Variants in FANCE observed in about 807,000 individuals in gnomAD.
The protein encoded by FANCE is FA complementation group E.
A neutral mutation model predicts 57.8 loss-of-function variants in FANCE; 42 were observed. The observed-to-expected ratio is 0.73, with a 90% CI of 0.57 to 0.94. The LOEUF (loss-of-function observed/expected upper bound fraction) is 0.94, where lower values mean the gene tolerates loss of function less well. Ranked by LOEUF, FANCE falls within the 40% of genes least tolerant of loss-of-function variation. FANCE has a pLI of 0.00. For synonymous variants in FANCE, 251 were observed against 286.4 expected (o/e 0.88, Z 1.25); for missense variants, 608 against 661.8 (o/e 0.92, Z 0.89).
chr6:35,464,647 C>A (rs1767735406), intron 9 of FANCE, among the ~76,000 whole-genome samples: 1 of 152,172 alleles, frequency 6.6e-6, no homozygotes, highest in South Asian at 2.1e-4. Context: ...GCCACCACAC[C>A]CAGCCTCAGG....
rs773580818 is a variant in FANCE, at chr6:35,455,809, C to G, written c.311C>G (p.Ala104Gly). The G allele has an allele frequency of 5.0e-5, 80 of 1,614,078 alleles. No homozygotes were observed. In the Middle Eastern group the frequency reaches 9.9e-4, roughly 20 times the overall value. Reference sequence around the variant, plus strand: ...AGGAACCTGATGTCCCTGCTGATGGCCGTTCGGCCATCGCTGCCGGAAAGT... The same window carrying G: ...AGGAACCTGATGTCCCTGCTGATGGGCGTTCGGCCATCGCTGCCGGAAAGT... ...CQRNLMSLLM[A>G]VRPSLPESGL... is the part of the protein sequence containing the mutation. Residue 104 changes from alanine (A) to glycine (G), a missense_variant, in exon 2 of 10, where the codon GCC (alanine) becomes GGC (glycine). Transcript: ENST00000229769.
chr6:35,459,446 C>T lies in FANCE; in HGVS notation c.1229C>T (p.Pro410Leu). 1 of 1,614,066 alleles carries T rather than the reference C, an allele frequency of 6.2e-7. No individual in the cohort carries two copies. The highest frequency in any genetic ancestry group is 1.3e-5 in the African/African-American group (1 of 75,008). ...SALLDPVLQA[P>L]GTGPAQTELL... ...CTCCTTGACCCTGTGCTCCAGGCCC[C>T]AGGCACAGGTAATTCTGGAACCAGC... is the stretch of plus-strand genomic sequence containing the variant. The change falls in exon 6 of 10, where the codon CCA becomes CTA. Residue 410 changes from proline to leucine, a missense_variant. Pro to Leu is a moderately conservative substitution (Grantham distance 98). Transcript: ENST00000229769.
rs529267251 is a variant in FANCE, at chr6:35,456,617, C to T, written c.855+264C>T. On this transcript the variant is annotated intron_variant, in intron 2 of 9. Transcript: ENST00000229769. This position sits in a 1 kb window ranked among gnomAD's most constrained non-coding sequence, Gnocchi z 4.3. Reference sequence around the variant, plus strand: ...GCAACCTCTGCCTCCCGGGTTCAAGCGATTCTCCTGCCTCAGCTTCCTGAG... The same window carrying T: ...GCAACCTCTGCCTCCCGGGTTCAAGTGATTCTCCTGCCTCAGCTTCCTGAG... 7.9e-5 allele frequency among the ~76,000 whole-genome samples: 12 copies of T among 152,198 alleles called. No homozygotes were observed. The South Asian group carries it at 1.9e-3, about 24-fold the overall frequency.
rs199642859 is a variant in FANCE, at chr6:35,455,709, C to G, written c.249-38C>G. The G allele has an allele frequency of 9.1e-5, 147 of 1,610,982 alleles. 1 individual carries two copies. In the East Asian group the frequency reaches 2.9e-3, roughly 32 times the overall value. ...CCAGTCTGCCTTGTGCTCCCTTCAG[C>G]CAAACACTTAACTGCTTGCTCTCCC... On this transcript the variant is annotated intron_variant, in intron 1 of 9. Transcript: ENST00000229769.
chr6:35,452,364 G>A lies in FANCE; in HGVS notation c.-182G>A, dbSNP rs886061324. On this transcript the variant is annotated 5_prime_UTR_variant, in exon 1 of 10. Coordinates refer to ENST00000229769, the MANE Select transcript of FANCE (RefSeq NM_021922.3). ...CTTCCCTTTCCGACAGCGCGGGAACGGCTGCGGCTTCGGGCGGCCGGGTTT... is the reference window on the plus strand; with the variant it reads ...CTTCCCTTTCCGACAGCGCGGGAACAGCTGCGGCTTCGGGCGGCCGGGTTT... 1 of 579,318 alleles carries A rather than the reference G, an allele frequency of 1.7e-6. No homozygotes were observed. The highest frequency in any genetic ancestry group is 3.9e-5 in the East Asian group (1 of 25,850). The allele number at this position is 579,318 out of a possible 1,614,324, so 35.9% of individuals were successfully genotyped here. A position where few individuals can be genotyped will look rare whatever the true frequency, so the allele number is the denominator to read the frequency against.
chr6:35,463,491 C>T (rs560277793), intron 9 of FANCE, among the ~76,000 whole-genome samples: 3 of 152,122 alleles, frequency 2.0e-5, no homozygotes, highest in East Asian at 3.9e-4. Flanking sequence ...GAGTTGACCC[C>T]GTCACCTAAC....
intron 8 of FANCE, 145 bp from the exon 9 acceptor site, chr6:35,462,644 G>A: frequency 1.1e-6 from 1 of 901,354 alleles, no homozygotes; most frequent in Admixed American, 2.1e-5. Flanking sequence ...TTATAGATAT[G>A]GAAATGGAGG....
chr6:35,452,791 G>C lies in FANCE; in HGVS notation c.246G>C (p.Glu82Asp). ...TGCAGGGGCCTGACGGCCGTCTGGA[G>C]CTGTAAGTCCTCGCCCGCGGCCCCT... ...PVVQGPDGRL[E>D]LKPLLLRLPR... is the part of the protein sequence containing the mutation. Residue 82 changes from glutamate to aspartate, a missense_variant and splice_region_variant, in exon 1 of 10, where the codon GAG becomes GAC. Physicochemically the swap from Glu to Asp is conservative, Grantham distance 45. Coordinates refer to ENST00000229769, the MANE Select transcript of FANCE (RefSeq NM_021922.3). 1.5e-6 allele frequency: 2 copies of C among 1,315,338 alleles called. No individual in the cohort carries two copies. 81.5% of individuals were successfully genotyped at this position (1,315,338 alleles called of 1,614,324 possible).
Position 35,460,624 on chromosome 6 carries a change from C to T in FANCE, c.1383+6C>T, listed in dbSNP as rs763606597. ...AGTCACTCCTAGAGCGGCAGGTGAG[C>T]AGGCTGCCCTGGGGAAGAGTGGACA... is the stretch of plus-strand genomic sequence containing the variant. On this transcript the variant is annotated splice_donor_region_variant and intron_variant, in intron 8 of 9. Transcript: ENST00000229769. The T allele has an allele frequency of 6.2e-7, 1 of 1,612,844 alleles. No individual in the cohort carries two copies. The highest frequency in any genetic ancestry group is 8.5e-7 in the Non-Finnish European group (1 of 1,179,044).
In FANCE at chr6:35,462,917, G is replaced by A. The variant is rs773938335; in HGVS notation, c.1509+3G>A. On this transcript the variant is annotated splice_donor_region_variant and intron_variant, in intron 9 of 9. Coordinates refer to ENST00000229769, the MANE Select transcript of FANCE (RefSeq NM_021922.3). Reference sequence around the variant, plus strand: ...TGATGACCAAGTATCAGGCTAACGTGAGTATTGATAGGGCCTTGGGGCTGG... The same window carrying A: ...TGATGACCAAGTATCAGGCTAACGTAAGTATTGATAGGGCCTTGGGGCTGG... 3 of 1,614,166 alleles carry A rather than the reference G, an allele frequency of 1.9e-6. No homozygotes were observed. Among genetic ancestry groups the A allele is most frequent in the Admixed American group, 3.3e-5 (2 of 60,036 alleles).
At chr6:35,457,775 C>G in intron 3 of FANCE, 141 bp from the exon 4 acceptor site, 1 of 999,470 alleles carries the variant, frequency 1.0e-6, no homozygotes, top group Non-Finnish European at 1.6e-6. Context: ...TGTAGACTTA[C>G]CATCTAACCC....
intron 8 of FANCE, among the ~76,000 whole-genome samples, chr6:35,462,388 T>C (rs1767628471): frequency 6.6e-6 from 1 of 152,304 alleles, no homozygotes; most frequent in East Asian, 1.9e-4. Flanking sequence ...ATTACAGGCA[T>C]GAGCCACCGT....
intron 9 of FANCE, among the ~76,000 whole-genome samples, chr6:35,463,764 C>T (rs954666005): frequency 2.6e-5 from 4 of 151,178 alleles, no homozygotes; most frequent in Non-Finnish European, 4.4e-5. Context: ...TAGGTTCAAG[C>T]GATTCTCCTG....
Position 35,452,575 on chromosome 6 carries a change from G to T in FANCE, c.30G>T (p.Gly10=), listed in dbSNP as rs1344782568. 1.5e-6 allele frequency: 2 copies of T among 1,333,294 alleles called. No homozygotes were observed. 82.6% of individuals were successfully genotyped at this position (1,333,294 alleles called of 1,614,324 possible). ...CGACACCGGACGCGGGGCTCCCTGGGGCTGAGGGCGTGGAGCCGGCGCCCT... is the reference window on the plus strand; with the variant it reads ...CGACACCGGACGCGGGGCTCCCTGGTGCTGAGGGCGTGGAGCCGGCGCCCT... The part of the protein sequence containing the change: MATPDAGLP[G]AEGVEPAPWA... The change falls in exon 1 of 10, where the codon GGG becomes GGT. Residue 10 remains glycine (G), a synonymous_variant. Coordinates refer to ENST00000229769, the MANE Select transcript of FANCE (RefSeq NM_021922.3).
rs560262228 is a variant in FANCE at position 35,457,601 on chromosome 6, G to T, written c.900+1G>T. 6.2e-7 allele frequency: 1 copy of T among 1,613,828 alleles called. No individual in the cohort carries two copies. Among genetic ancestry groups the T allele is most frequent in the South Asian group, 1.1e-5 (1 of 91,058 alleles). ...GCAGCTGCTGAAGACCTTGGAGGAG[G>T]TGACTGGCCCCACAGTGCTCACCAT... On this transcript the variant is annotated splice_donor_variant, in intron 3 of 9. Transcript: ENST00000229769. LOFTEE classifies it high-confidence loss of function.
At chr6:35,454,414 A>G (rs930623584) in intron 1 of FANCE, among the ~76,000 whole-genome samples, 11 of 152,138 alleles carry the variant, frequency 7.2e-5, no homozygotes, top group African/African-American at 2.7e-4. Context: ...CATAGTGTCT[A>G]TATTCCACAA....
rs121434506 is a variant in FANCE, at chr6:35,455,919, C to A, written c.421C>A (p.Arg141=). Residue 141 remains arginine (R), a synonymous_variant, in exon 2 of 10, where the codon CGA becomes AGA. Coordinates refer to ENST00000229769, the MANE Select transcript of FANCE (RefSeq NM_021922.3). The part of the protein sequence containing the change: ...AWLRALGELL[R]RDLGVGTSME... ...GCTCCGTGCCCTGGGGGAATTGCTG[C>A]GAAGGGATTTGGGGGTGGGGACCTC... 1 of 1,613,946 alleles carries A rather than the reference C, an allele frequency of 6.2e-7. No individual in the cohort carries two copies. The highest frequency in any genetic ancestry group is 8.5e-7 in the Non-Finnish European group (1 of 1,180,024).
In FANCE at chr6:35,452,346, T is replaced by G; in HGVS notation, c.-200T>G. The G allele has an allele frequency of 2.1e-6, 1 of 484,126 alleles. No individual in the cohort carries two copies. The allele number at this position is 484,126 out of a possible 1,614,324, so 30.0% of individuals were successfully genotyped here. On this transcript the variant is annotated 5_prime_UTR_variant, in exon 1 of 10. Transcript: ENST00000229769. ...CCCGGCCGCGCCTCCCTCCTTCCCT[T>G]TCCGACAGCGCGGGAACGGCTGCGG...
Position 35,458,282 on chromosome 6 carries a change from G to T in FANCE, c.970-15G>T. 6.2e-7 allele frequency: 1 copy of T among 1,612,920 alleles called. No individual in the cohort carries two copies. The highest frequency in any genetic ancestry group is 8.5e-7 in the Non-Finnish European group (1 of 1,179,976). ...ATGTCCCGGTGTCCTCTCTCCCCCC[G>T]CACTCTGTAAGCAGATGGACTTGCT... On this transcript the variant is annotated splice_polypyrimidine_tract_variant and intron_variant, in intron 4 of 9. Coordinates refer to ENST00000229769, the MANE Select transcript of FANCE (RefSeq NM_021922.3).
Sources: gnomAD v4.1 joint callset for allele counts (sites outside exome capture counted in the v4.1 genomes callset) on GRCh38, gnomAD v4.1.1 for gene constraint, Gnocchi (gnomAD v3.1) non-coding constraint, MANE v1.5 for transcripts, NCBI Gene and HGNC (gene_info 2026-07-23, HGNC 2026-07-21) for gene names.